FNDC3A: variants seen among roughly 807,000 people sequenced by gnomAD.
FNDC3A encodes fibronectin type III domain containing 3A.
Under a neutral mutation model 148.9 loss-of-function variants are expected in FNDC3A, and 32 were observed. The observed-to-expected ratio is 0.21, with a 90% CI of 0.16 to 0.29. FNDC3A has a LOEUF of 0.29. FNDC3A is among the 10% of genes least tolerant of loss of function. The pLI is 1.00. For synonymous variants in FNDC3A, 472 were observed against 473.6 expected (o/e 1.00, Z 0.04); for missense variants, 1,191 against 1,452.8 (o/e 0.82, Z 2.93).
chr13:49,110,339 C>T (rs376014873), intron 3 of FNDC3A: 3 of 1,588,066 alleles, frequency 1.9e-6, no homozygotes, highest in African/African-American at 1.4e-5. Flanking sequence ...AAGCTGTTAA[C>T]GTGTACTACG....
chr13:49,051,785 CTCT>C (rs1460383436), intron 2 of FNDC3A, among the ~76,000 whole-genome samples: 2 of 152,180 alleles, frequency 1.3e-5, no homozygotes, highest in South Asian at 2.1e-4. Flanking sequence ...TTTTAGGTTT[CTCT>C]TCTTCTTTGG....
chr13:49,041,015 G>A (rs1041809189), intron 2 of FNDC3A, among the ~76,000 whole-genome samples: 16 of 152,260 alleles, frequency 1.1e-4, no homozygotes, highest in Admixed American at 5.2e-4. Context: ...AAATTCCACT[G>A]CATTTGTGGC....
At chr13:49,037,300 C>T (rs1874566314) in intron 2 of FNDC3A, among the ~76,000 whole-genome samples, 1 of 152,092 alleles carries the variant, frequency 6.6e-6, no homozygotes. Context: ...CACAAGAACC[C>T]CATGAATGCT....
chr13:49,168,077 A>G (rs1350403504), intron 9 of FNDC3A, among the ~76,000 whole-genome samples: 1 of 152,222 alleles, frequency 6.6e-6, no homozygotes, highest in Non-Finnish European at 1.5e-5. Flanking sequence ...CATAGACTCT[A>G]GGGCTTACCC....
intron 8 of FNDC3A, among the ~76,000 whole-genome samples, chr13:49,161,916 AGAATGTT>A (rs1382956821): frequency 6.6e-6 from 1 of 152,112 alleles, no homozygotes; most frequent in African/African-American, 2.4e-5. Context: ...AAATTCTTTA[AGAATGTT>A]GAATATTGGC....
chr13:49,146,030 C>A, intron 8 of FNDC3A, 95 bp downstream of exon 8: 2 of 847,366 alleles, frequency 2.4e-6, no homozygotes, highest in Non-Finnish European at 3.6e-6. Flanking sequence ...TCCTTCTTCA[C>A]GCTTTTATTC....
At chr13:49,070,679 T>C (rs1350906295) in intron 2 of FNDC3A, among the ~76,000 whole-genome samples, 1 of 152,142 alleles carries the variant, frequency 6.6e-6, no homozygotes, top group Non-Finnish European at 1.5e-5. Flanking sequence ...ATTTTGTACC[T>C]ATTAACTGAT....
rs1333730216 is a variant in FNDC3A at position 49,145,853 on chromosome 13, G to C, written c.895G>C (p.Glu299Gln). 2.5e-6 allele frequency: 4 copies of C among 1,613,278 alleles called. No individual in the cohort carries two copies. Among genetic ancestry groups the C allele is most frequent in the Non-Finnish European group, 3.4e-6 (4 of 1,179,400 alleles). ...CAGCCTCATTAATGGTGAAACAGAT[G>C]AAAGTAGTGTACCAGAGCTCTATGG... ...PSSLINGETD[E>Q]SSVPELYGYE... Residue 299 changes from glutamate (E) to glutamine (Q), a missense_variant, in exon 8 of 26, where the codon GAA becomes CAA. Physicochemically the swap from Glu to Gln is conservative, Grantham distance 29. Coordinates refer to ENST00000492622, the MANE Select transcript of FNDC3A (RefSeq NM_001079673.2).
At chr13:48,996,382 G>A (rs890788367) in intron 1 of FNDC3A, among the ~76,000 whole-genome samples, 2 of 152,136 alleles carry the variant, frequency 1.3e-5, no homozygotes, top group South Asian at 4.1e-4. Flanking sequence ...CATCCATGGA[G>A]TCAATCAACC....
chr13:49,076,018 C>G (rs961461069), intron 3 of FNDC3A, among the ~76,000 whole-genome samples: 2 of 152,022 alleles, frequency 1.3e-5, no homozygotes, highest in Admixed American at 6.5e-5. Context: ...CTACTAGCCA[C>G]TCACCCTCAC....
chr13:49,186,466 GA>G (rs2138092061), intron 15 of FNDC3A, among the ~76,000 whole-genome samples: 1 of 152,272 alleles, frequency 6.6e-6, no homozygotes. Context: ...ATACCTAATG[GA>G]AAAACAAAGA....
At chr13:49,147,757 A>C (rs2137973192) in intron 8 of FNDC3A, among the ~76,000 whole-genome samples, 1 of 152,222 alleles carries the variant, frequency 6.6e-6, no homozygotes, top group East Asian at 1.9e-4. Flanking sequence ...CAGTAGTGGG[A>C]TTGCTCATTT....
At chr13:49,062,188 C>T (rs1191820133) in intron 2 of FNDC3A, among the ~76,000 whole-genome samples, 1 of 152,116 alleles carries the variant, frequency 6.6e-6, no homozygotes, top group Non-Finnish European at 1.5e-5. Flanking sequence ...CACCCAGGTA[C>T]TCTAAAACCA....
chr13:49,030,554 A>T (rs929985538), intron 2 of FNDC3A, among the ~76,000 whole-genome samples: 1 of 152,246 alleles, frequency 6.6e-6, no homozygotes, highest in Non-Finnish European at 1.5e-5. Flanking sequence ...AAAGGCCTCC[A>T]GGTTGGAAAA....
chr13:49,020,979 A>T (rs544025657), intron 2 of FNDC3A, among the ~76,000 whole-genome samples: 1 of 152,212 alleles, frequency 6.6e-6, no homozygotes, highest in African/African-American at 2.4e-5. Context: ...CGAACCAGAG[A>T]TGTAGAAATT....
intron 2 of FNDC3A, among the ~76,000 whole-genome samples, chr13:49,069,684 C>T (rs1334378157): frequency 6.6e-6 from 1 of 152,184 alleles, no homozygotes; most frequent in African/African-American, 2.4e-5. Context: ...ACTCAATCTT[C>T]AGTGGTTTGA....
At chr13:49,051,141 A>C (rs905237293) in intron 2 of FNDC3A, among the ~76,000 whole-genome samples, 1 of 152,212 alleles carries the variant, frequency 6.6e-6, no homozygotes, top group African/African-American at 2.4e-5. Flanking sequence ...TAGGCCATTT[A>C]CATTCAATGA....
At chr13:48,986,750 C>G (rs1187670983) in intron 1 of FNDC3A, among the ~76,000 whole-genome samples, 2 of 152,014 alleles carry the variant, frequency 1.3e-5, no homozygotes, top group African/African-American at 2.4e-5. Context: ...TAGAGGCAAT[C>G]TTTAACCAAG....
intron 2 of FNDC3A, chr13:49,046,863 T>TA (rs398022706): frequency 1.9e-4 from 29 of 152,100 alleles, no homozygotes; most frequent in African/African-American, 7.0e-4. Flanking sequence ...GTTTTTTTTT[T>TA]ATTTCAGTAG....
Sources: gnomAD v4.1 joint callset for allele counts (sites outside exome capture counted in the v4.1 genomes callset) on GRCh38, gnomAD v4.1.1 for gene constraint, MANE v1.5 for transcripts, NCBI Gene and HGNC (gene_info 2026-07-23, HGNC 2026-07-21) for gene names.